Variants in LGI1 observed in about 807,000 individuals in gnomAD.
The protein encoded by LGI1 is leucine rich glioma inactivated 1.
LGI1 carries 11 observed loss-of-function variants against 57.7 expected under a neutral mutation model. The ratio of observed to expected loss-of-function variants is 0.19; its 90% CI spans 0.12 to 0.32. The LOEUF (loss-of-function observed/expected upper bound fraction) is 0.32, where lower values mean the gene tolerates loss of function less well. LGI1 is among the 10% of genes least tolerant of loss of function. The probability of loss-of-function intolerance (pLI) is 1.00; values close to 1 mark genes in which losing one functional copy is unlikely to be tolerated. For synonymous variants in LGI1, 222 were observed against 241.9 expected (o/e 0.92, Z 0.76); for missense variants, 422 against 661.9 (o/e 0.64, Z 3.98).
chr10:93,765,864 G>A (rs2059669493), intron 2 of LGI1, among the ~76,000 whole-genome samples: 1 of 151,892 alleles, frequency 6.6e-6, no homozygotes, highest in African/African-American at 2.4e-5. Context: ...CAGCTACTCG[G>A]GAGGCTGAGG....
chr10:93,775,242 C>A (rs1425387534), intron 2 of LGI1, among the ~76,000 whole-genome samples: 1 of 152,148 alleles, frequency 6.6e-6, no homozygotes, highest in Non-Finnish European at 1.5e-5. Context: ...TTACTCCTTG[C>A]CTCCAAGGGT....
intron 2 of LGI1, among the ~76,000 whole-genome samples, chr10:93,765,886 C>T (rs1394917419): frequency 6.7e-6 from 1 of 148,912 alleles, no homozygotes; most frequent in East Asian, 2.0e-4. Flanking sequence ...AGGAGAATGG[C>T]GTGAACCCAG....
chr10:93,790,163 A>G lies in LGI1; in HGVS notation c.496A>G (p.Thr166Ala), dbSNP rs1166092610. 2 of 1,608,314 alleles carry G rather than the reference A, an allele frequency of 1.2e-6. No individual in the cohort carries two copies. ...TATTTTCAAAGGCCTGGATTCTTTA[A>G]CAAATGTGTAAGAGGACCTAAGAAA... ...KDIFKGLDSLTNVDLRGNSFN... is the reference protein window; with the variant it reads ...KDIFKGLDSLANVDLRGNSFN... Residue 166 changes from threonine (T) to alanine (A), a missense_variant, in exon 5 of 8, where the codon ACA becomes GCA. Physicochemically the swap from Thr to Ala is moderately conservative, Grantham distance 58 (BLOSUM62 0). Transcript: ENST00000371418.
rs956043757 is a variant in LGI1 at position 93,778,577 on chromosome 10, G to C, written c.431+960G>C. 3.3e-5 allele frequency among the ~76,000 whole-genome samples: 5 copies of C among 152,304 alleles called. No homozygotes were observed. The South Asian group carries it at 1.0e-3, about 32-fold the overall frequency. Reference sequence around the variant, plus strand: ...GAAATGAGGAAACAGTCTTGGAGGGGATATATGCCTCGTGAGCTGATTAGT... The same window carrying C: ...GAAATGAGGAAACAGTCTTGGAGGGCATATATGCCTCGTGAGCTGATTAGT... On this transcript the variant is annotated intron_variant, in intron 4 of 7. Transcript: ENST00000371418.
intron 2 of LGI1, among the ~76,000 whole-genome samples, chr10:93,776,589 A>G (rs2059796735): frequency 6.6e-6 from 1 of 152,110 alleles, no homozygotes; most frequent in African/African-American, 2.4e-5. Flanking sequence ...CAGAATTACT[A>G]TTATTATTAT....
intron 2 of LGI1, chr10:93,776,120 C>G (rs921722017): frequency 3.9e-5 from 6 of 152,036 alleles, no homozygotes; most frequent in African/African-American, 1.2e-4. Context: ...TTCAGAGCCT[C>G]GTGAATTACT....
chr10:93,783,741 G>A (rs1254930727), intron 4 of LGI1, among the ~76,000 whole-genome samples: 1 of 152,224 alleles, frequency 6.6e-6, no homozygotes, highest in African/African-American at 2.4e-5. Flanking sequence ...GCTGTGTGCG[G>A]TGGCTCATGC....
At chr10:93,780,304 T>G (rs571007825) in intron 4 of LGI1, 1 of 152,898 alleles carries the variant, frequency 6.5e-6, no homozygotes, top group East Asian at 1.9e-4. Context: ...AGGGAGGATC[T>G]GAAACCCAAA....
intron 4 of LGI1, among the ~76,000 whole-genome samples, chr10:93,779,476 A>C (rs2059827187): frequency 6.9e-6 from 1 of 145,250 alleles, no homozygotes. Flanking sequence ...GAAGGGAGGA[A>C]AGAGGAAAGG....
At chr10:93,772,651 T>C (rs1481517174) in intron 2 of LGI1, 2 of 152,208 alleles carry the variant, frequency 1.3e-5, no homozygotes, top group African/African-American at 2.4e-5. Flanking sequence ...ATATCATATA[T>C]GCATTATGCT....
intron 4 of LGI1, among the ~76,000 whole-genome samples, chr10:93,778,345 TCACACACA>T (rs60017902): frequency 0.022 from 3,239 of 148,538 alleles, 98 homozygotes; most frequent in African/African-American, 0.069. Flanking sequence ...ACAAACACAT[TCACACACA>T]CACACACACA....
chr10:93,768,300 G>C (rs536082223), intron 2 of LGI1: 1 of 152,308 alleles, frequency 6.6e-6, no homozygotes, highest in East Asian at 1.9e-4. Context: ...TGGGGAAGTC[G>C]GGGAGGGAGA....
At chr10:93,783,569 TG>T in intron 4 of LGI1, among the ~76,000 whole-genome samples, 1 of 152,130 alleles carries the variant, frequency 6.6e-6, no homozygotes, top group Non-Finnish European at 1.5e-5. Context: ...TGGTGGGGAC[TG>T]CACTAGTCAC....
chr10:93,782,932 T>C (rs946846593), intron 4 of LGI1: 1 of 152,210 alleles, frequency 6.6e-6, no homozygotes, highest in Non-Finnish European at 1.5e-5. Context: ...ATCGGAGGTT[T>C]TCTTGGGTAA....
chr10:93,772,355 C>A (rs2059749725), intron 2 of LGI1, among the ~76,000 whole-genome samples: 1 of 151,972 alleles, frequency 6.6e-6, no homozygotes, highest in Admixed American at 6.6e-5. Flanking sequence ...AATAATGGTA[C>A]TTTTAGAAAT....
chr10:93,761,501 G>A (rs1007695388), intron 2 of LGI1, among the ~76,000 whole-genome samples: 1 of 152,170 alleles, frequency 6.6e-6, no homozygotes, highest in Admixed American at 6.5e-5. Flanking sequence ...GATAATGTCA[G>A]TATGCCCCCA....
At position 93,766,605 on chromosome 10, in the gene LGI1, C is replaced by T. The variant is rs528777269; in HGVS notation, c.287+7774C>T. On this transcript the variant is annotated intron_variant, in intron 2 of 7. Transcript: ENST00000371418. ...CTGCAAGCTCCGCCTCCCGGGTTCACGCCATTCTCCTGCCTCAGCCTCCCG... is the reference window on the plus strand; with the variant it reads ...CTGCAAGCTCCGCCTCCCGGGTTCATGCCATTCTCCTGCCTCAGCCTCCCG... Among the ~76,000 whole-genome samples, 798 of 150,090 alleles carry T rather than the reference C, an allele frequency of 5.3e-3. 6 individuals carry two copies. The highest frequency in any genetic ancestry group is 0.019 in the African/African-American group (760 of 40,662).
chr10:93,796,039 C>T (rs189675426), intron 7 of LGI1, among the ~76,000 whole-genome samples: 1 of 152,228 alleles, frequency 6.6e-6, no homozygotes, highest in Non-Finnish European at 1.5e-5. Flanking sequence ...CCTGCAAGAT[C>T]AGAATCTACT....
At position 93,797,116 on chromosome 10, in the gene LGI1, C is replaced by T; in HGVS notation, c.987C>T (p.Ile329=). ...IKIQDIEILK[I]RKPNDIETFK... ...TCCAGGATATTGAAATTCTCAAAAT[C>T]CGAAAACCCAATGACATTGAAACAT... is the stretch of plus-strand genomic sequence containing the variant. Residue 329 remains isoleucine (I), a synonymous_variant, in exon 8 of 8, where the codon ATC becomes ATT. Transcript: ENST00000371418. The surrounding 1 kb of genome is among the most constrained non-coding windows in gnomAD (Gnocchi z 6.5). The T allele has an allele frequency of 6.2e-7, 1 of 1,613,788 alleles. No homozygotes were observed. Among genetic ancestry groups the T allele is most frequent in the Non-Finnish European group, 8.5e-7 (1 of 1,179,828 alleles).
Sources: gnomAD v4.1 joint callset for allele counts (sites outside exome capture counted in the v4.1 genomes callset) on GRCh38, gnomAD v4.1.1 for gene constraint, Gnocchi (gnomAD v3.1) non-coding constraint, MANE v1.5 for transcripts, NCBI Gene and HGNC (gene_info 2026-07-23, HGNC 2026-07-21) for gene names.